Variants in PALM observed in about 807,000 individuals in gnomAD.
The protein encoded by PALM is paralemmin-1.
PALM carries 18 observed loss-of-function variants against 30.7 expected under a neutral mutation model. That is an observed-to-expected ratio of 0.59 (90% CI 0.41 to 0.87). The LOEUF (loss-of-function observed/expected upper bound fraction) is 0.87. Among genes scored for constraint, PALM ranks in the 40% least tolerant of loss-of-function variants. The pLI is 0.00. For synonymous variants in PALM, 286 were observed against 242.8 expected (o/e 1.18, Z -1.66); for missense variants, 529 against 555.4 (o/e 0.95, Z 0.48).
At chr19:719,512 G>T in intron 1 of PALM, 1 of 985,412 alleles carries the variant, frequency 1.0e-6, no homozygotes, top group South Asian at 4.7e-5. Flanking sequence ...GCTCTGCGCG[G>T]CTGCCGGGAG....
rs892778485 is a variant in PALM, at chr19:746,822, C to G, written c.*8C>G. 4 of 1,493,152 alleles carry G rather than the reference C, an allele frequency of 2.7e-6. No homozygotes were observed. The African/African-American group carries it at 5.6e-5, about 21-fold the overall frequency. The allele number at this position is 1,493,152 out of a possible 1,614,324, so 92.5% of individuals were successfully genotyped here. A position where few individuals can be genotyped will look rare whatever the true frequency, so the allele number is the denominator to read the frequency against. ...TGCTGCTCCATCATGTGAGCCGGCC[C>G]CCGAGACCCCGGCCCCCACCCCACA... On this transcript the variant is annotated 3_prime_UTR_variant, in exon 9 of 9. Transcript: ENST00000338448. This position sits in a 1 kb window ranked among gnomAD's most constrained non-coding sequence, Gnocchi z 7.1.
chr19:735,944 G>T, intron 6 of PALM, 75 bp from the exon 7 acceptor site: 1 of 1,279,108 alleles, frequency 7.8e-7, no homozygotes, highest in African/African-American at 1.5e-5. Context: ...GTGAAGGGGC[G>T]TTGGGCTGTC....
intron 4 of PALM, among the ~76,000 whole-genome samples, chr19:728,767 A>G (rs962125837): frequency 7.9e-5 from 12 of 151,876 alleles, no homozygotes; most frequent in African/African-American, 2.2e-4. Flanking sequence ...ACTTTGGGAG[A>G]CCGAGGTGGG....
intron 4 of PALM, among the ~76,000 whole-genome samples, chr19:728,890 G>A (rs2032778706): frequency 6.6e-6 from 1 of 152,164 alleles, no homozygotes; most frequent in South Asian, 2.1e-4. Flanking sequence ...TGTAGTCCCA[G>A]CTACTCATGA....
At position 731,182 on chromosome 19, in the gene PALM, G is replaced by A. The variant is rs779684681; in HGVS notation, c.357G>A (p.Arg119=). 2 of 1,610,890 alleles carry A rather than the reference G, an allele frequency of 1.2e-6. No individual in the cohort carries two copies. The highest frequency in any genetic ancestry group is 1.1e-5 in the South Asian group (1 of 90,616). ...KENAAAPSPV[R]APAPSPAKEE... ...ACGCGGCGGCCCCGAGCCCAGTCCGGGCCCCAGCCCCGAGTCCAGCCAAGG... is the reference window on the plus strand; with the variant it reads ...ACGCGGCGGCCCCGAGCCCAGTCCGAGCCCCAGCCCCGAGTCCAGCCAAGG... Residue 119 remains arginine (R), a synonymous_variant, in exon 5 of 9, where the codon CGG becomes CGA. Coordinates refer to ENST00000338448, the MANE Select transcript of PALM (RefSeq NM_002579.3).
chr19:737,388 A>G (rs374085538), intron 7 of PALM, among the ~76,000 whole-genome samples: 9 of 152,320 alleles, frequency 5.9e-5, no homozygotes, highest in East Asian at 1.9e-4. Context: ...GTGCAGAGCT[A>G]TAGAGTTGAA....
chr19:720,294 G>A (rs990091825), intron 1 of PALM, among the ~76,000 whole-genome samples: 67 of 151,880 alleles, frequency 4.4e-4, no homozygotes, highest in African/African-American at 1.6e-3. Context: ...ATCCATCACC[G>A]GGGCGGCGGC....
At chr19:727,822 G>A in intron 4 of PALM, 128 bp downstream of exon 4, 1 of 866,460 alleles carries the variant, frequency 1.2e-6, no homozygotes, top group Non-Finnish European at 1.8e-6. Context: ...GGCAGGCCAG[G>A]ACCCAACATG....
intron 5 of PALM, among the ~76,000 whole-genome samples, chr19:733,428 T>C (rs549348799): frequency 2.0e-5 from 3 of 152,230 alleles, no homozygotes; most frequent in African/African-American, 7.2e-5. Context: ...GACAGGAGTG[T>C]GTCCCAGAAA....
chr19:732,781 GGAGGGTGGTCAGGCC>G (rs1276925885), intron 5 of PALM, among the ~76,000 whole-genome samples: 1 of 152,086 alleles, frequency 6.6e-6, no homozygotes, highest in Non-Finnish European at 1.5e-5. Flanking sequence ...GACCACCCAG[GGAGGGTGGTCAGGCC>G]GAAGAGGTGG....
intron 1 of PALM, among the ~76,000 whole-genome samples, chr19:710,418 C>A (rs900531159): frequency 6.6e-6 from 1 of 152,186 alleles, no homozygotes; most frequent in African/African-American, 2.4e-5. Context: ...CACACCCCCA[C>A]CCCCCAGCCT....
At chr19:732,540 C>A (rs2032907101) in intron 5 of PALM, among the ~76,000 whole-genome samples, 1 of 152,144 alleles carries the variant, frequency 6.6e-6, no homozygotes. Context: ...ACTAAAAATA[C>A]AAAAATTAAC....
chr19:723,864 G>A (rs757357266), intron 1 of PALM, among the ~76,000 whole-genome samples: 5 of 152,154 alleles, frequency 3.3e-5, no homozygotes, highest in Admixed American at 2.6e-4. Flanking sequence ...CCAGAGCGCT[G>A]GGATTACAGG....
In PALM at chr19:735,945, T is replaced by C. The variant is rs1329199539; in HGVS notation, c.443-74T>C. 4 of 1,288,948 alleles carry C rather than the reference T, an allele frequency of 3.1e-6. No homozygotes were observed. In the East Asian group the frequency reaches 9.7e-5, roughly 31 times the overall value. 79.8% of individuals were successfully genotyped at this position (1,288,948 alleles called of 1,614,324 possible). On this transcript the variant is annotated intron_variant, in intron 6 of 8. Coordinates refer to ENST00000338448, the MANE Select transcript of PALM (RefSeq NM_002579.3). ...CCGGATGCACTTCTGTGAAGGGGCG[T>C]TGGGCTGTCTGGGGGGTCCATGTGA...
At chr19:730,942 A>G (rs1005457063) in intron 4 of PALM, 153 bp from the exon 5 acceptor site, 5 of 562,830 alleles carry the variant, frequency 8.9e-6, no homozygotes, top group Middle Eastern at 4.7e-4. Context: ...TGGAGGTTGC[A>G]GCGAGCCAAG....
intron 1 of PALM, among the ~76,000 whole-genome samples, chr19:717,515 G>A (rs1320203634): frequency 1.3e-5 from 2 of 152,184 alleles, no homozygotes; most frequent in Non-Finnish European, 2.9e-5. Context: ...ATGTCCCAGT[G>A]CGTGGACGGC....
intron 1 of PALM, among the ~76,000 whole-genome samples, chr19:720,158 C>A (rs370547337): frequency 1.3e-5 from 2 of 152,058 alleles, no homozygotes; most frequent in Admixed American, 6.5e-5. Context: ...TCGGCCCCCC[C>A]CAATCCCCCC....
chr19:731,264 G>A lies in PALM; in HGVS notation c.420+19G>A. On this transcript the variant is annotated intron_variant, in intron 5 of 8. Coordinates refer to ENST00000338448, the MANE Select transcript of PALM (RefSeq NM_002579.3). ...ACAGCAGGTAAGGGGGTGACTGGGG[G>A]GAGCGGATCCCCAGGCACCCACTCC... 1 of 1,585,858 alleles carries A rather than the reference G, an allele frequency of 6.3e-7. No homozygotes were observed. Among genetic ancestry groups the A allele is most frequent in the Middle Eastern group, 1.8e-4 (1 of 5,566 alleles).
At chr19:720,656 C>T (rs1281514076) in intron 1 of PALM, among the ~76,000 whole-genome samples, 1 of 146,256 alleles carries the variant, frequency 6.8e-6, no homozygotes, top group Non-Finnish European at 1.5e-5. Flanking sequence ...CAGGGGGGCG[C>T]GTCCTGGGGA....
Sources: allele counts gnomAD v4.1 joint callset (sites outside exome capture counted in the v4.1 genomes callset), GRCh38; gene constraint gnomAD v4.1.1; non-coding constraint Gnocchi (gnomAD v3.1); transcripts MANE v1.5; gene names NCBI Gene and HGNC (gene_info 2026-07-23, HGNC 2026-07-21).